The following MAPK6 variants were observed in gnomAD, a reference collection of about 807,000 sequenced individuals.
The protein encoded by MAPK6 is mitogen-activated protein kinase 6.
In MAPK6, 19 loss-of-function variants were observed where a neutral mutation model predicts 59.3. That is an observed-to-expected ratio of 0.32 (90% CI 0.22 to 0.47). The LOEUF is 0.47. Among genes scored for constraint, MAPK6 ranks in the 20% least tolerant of loss-of-function variants. The pLI is 1.00. For missense variants in MAPK6, 724 were observed against 847.9 expected (o/e 0.85, Z 1.81); for synonymous variants, 316 against 290.3 (o/e 1.09, Z -0.90).
At chr15:52,033,125 CT>C (rs2031103981) in intron 1 of MAPK6, among the ~76,000 whole-genome samples, 1 of 152,174 alleles carries the variant, frequency 6.6e-6, no homozygotes, top group Non-Finnish European at 1.5e-5. Flanking sequence ...CTACTTTTGT[CT>C]TTTCTTTGAA....
At chr15:52,016,047 C>T (rs1476987583), upstream of MAPK6, among the ~76,000 whole-genome samples, 2 of 119,148 alleles carry the variant, frequency 1.7e-5, no homozygotes, top group African/African-American at 6.6e-5. Context: ...CAGAGCCAAA[C>T]TCCATCGCGC....
chr15:52,053,610 G>GT (rs2031860293), intron 3 of MAPK6, among the ~76,000 whole-genome samples: 2 of 2,356 alleles, frequency 8.5e-4, no homozygotes, highest in African/African-American at 3.1e-3. Context: ...TTGGTTGATT[G>GT]ATTGATTGAT....
intron 1 of MAPK6, among the ~76,000 whole-genome samples, chr15:52,039,509 C>CTTTTTTTTT (rs11341546): frequency 1.2e-5 from 1 of 85,880 alleles, no homozygotes; most frequent in Non-Finnish European, 2.4e-5. Context: ...AGTGTTTTGT[C>CTTTTTTTTT]TTTTTTTTTT....
At chr15:52,053,970 CTT>C (rs1206682465) in intron 3 of MAPK6, among the ~76,000 whole-genome samples, 3 of 151,950 alleles carry the variant, frequency 2.0e-5, no homozygotes, top group African/African-American at 2.4e-5. Flanking sequence ...GTCCAGTTAC[CTT>C]TTTCTTTTGT....
intron 2 of MAPK6, among the ~76,000 whole-genome samples, chr15:51,999,956 T>C (rs2057237584): frequency 6.6e-6 from 1 of 152,202 alleles, no homozygotes; most frequent in Non-Finnish European, 1.5e-5. Context: ...TATTTATTTA[T>C]TGAGATGGGA....
At chr15:52,008,829 C>T (rs982911068) in intron 3 of MAPK6, among the ~76,000 whole-genome samples, 1 of 152,124 alleles carries the variant, frequency 6.6e-6, no homozygotes, top group Non-Finnish European at 1.5e-5. Context: ...TCTTCCAGGA[C>T]ACCAGACCTA....
intron 1 of MAPK6, chr15:52,028,015 C>G (rs1265325381): frequency 7.6e-6 from 1 of 132,108 alleles, no homozygotes; most frequent in African/African-American, 2.9e-5. Context: ...TGCAGTGGTG[C>G]GATCTCAGCT....
At chr15:52,026,016 A>G (rs1238138047) in intron 1 of MAPK6, among the ~76,000 whole-genome samples, 1 of 152,238 alleles carries the variant, frequency 6.6e-6, no homozygotes, top group Non-Finnish European at 1.5e-5. Flanking sequence ...CTGATTTTCT[A>G]ATTGATACAT....
upstream of MAPK6, among the ~76,000 whole-genome samples, chr15:52,016,058 G>A (rs1405676415): frequency 1.1e-4 from 6 of 54,868 alleles, no homozygotes; most frequent in South Asian, 8.7e-4. Context: ...TCCATCGCGC[G>A]CGCGCGCGCG....
At chr15:52,062,456 G>A (rs2032240619) in intron 5 of MAPK6, among the ~76,000 whole-genome samples, 1 of 152,122 alleles carries the variant, frequency 6.6e-6, no homozygotes, top group Non-Finnish European at 1.5e-5. Flanking sequence ...TTCATAAAGT[G>A]AAATAATTGG....
chr15:52,012,423 T>C (rs577937863), intron 3 of MAPK6, among the ~76,000 whole-genome samples: 184 of 152,326 alleles, frequency 1.2e-3, no homozygotes, highest in African/African-American at 4.3e-3. Context: ...CATTTTGTTC[T>C]ATTTTGTTAC....
intron 3 of MAPK6, among the ~76,000 whole-genome samples, chr15:52,004,571 T>G (rs548283820): frequency 7.9e-5 from 12 of 152,204 alleles, no homozygotes; most frequent in Non-Finnish European, 7.4e-5. Context: ...GGAAAAAAAT[T>G]TATTTGGCTC....
rs2032397909 is a variant in MAPK6 at position 52,065,765 on chromosome 15, A to G, written c.*765A>G. ...ATATACTTTACTTTTTCCATTTGGC[A>G]CTATGGTTTGTTGCCTACCTAGCTG... On this transcript the variant is annotated 3_prime_UTR_variant, in exon 6 of 6. Transcript: ENST00000261845. 3 of 152,604 alleles carry G rather than the reference A, an allele frequency of 2.0e-5. No individual in the cohort carries two copies. In the South Asian group the frequency reaches 6.2e-4, roughly 32 times the overall value. The allele number at this position is 152,604 out of a possible 1,614,324, so 9.5% of individuals were successfully genotyped here.
At chr15:52,022,986 A>C (rs1184189578) in intron 1 of MAPK6, among the ~76,000 whole-genome samples, 1 of 151,942 alleles carries the variant, frequency 6.6e-6, no homozygotes, top group Non-Finnish European at 1.5e-5. Flanking sequence ...ACGTGCCTGT[A>C]ATCCCAGCTA....
upstream of MAPK6, among the ~76,000 whole-genome samples, chr15:52,016,065 C>CAA (rs1566899818): frequency 2.4e-4 from 21 of 88,492 alleles, 1 homozygote; most frequent in South Asian, 9.7e-4. Flanking sequence ...CGCGCGCGCG[C>CAA]GCGCGCACAC....
upstream of MAPK6, among the ~76,000 whole-genome samples, chr15:52,016,058 GC>G (rs1487607817): frequency 9.1e-5 from 5 of 54,868 alleles, no homozygotes; most frequent in Admixed American, 1.9e-4. Context: ...TCCATCGCGC[GC>G]GCGCGCGCGC....
chr15:52,053,483 G>A (rs979648488), intron 3 of MAPK6, among the ~76,000 whole-genome samples: 1 of 152,088 alleles, frequency 6.6e-6, no homozygotes, highest in African/African-American at 2.4e-5. Flanking sequence ...TTATTGAGTT[G>A]TAAGAATTCT....
At chr15:52,023,128 A>AC (rs71130117) in intron 1 of MAPK6, among the ~76,000 whole-genome samples, 19 of 148,806 alleles carry the variant, frequency 1.3e-4, no homozygotes, top group African/African-American at 2.9e-4. Flanking sequence ...AAAAAAAAAA[A>AC]CCGAAAAACA....
At chr15:51,991,016 T>A (rs957526398) in intron 2 of MAPK6, among the ~76,000 whole-genome samples, 4 of 152,110 alleles carry the variant, frequency 2.6e-5, no homozygotes, top group African/African-American at 9.6e-5. Flanking sequence ...TAATCCTAGC[T>A]ACTCAGGAGG....
Sources: allele counts gnomAD v4.1 joint callset (sites outside exome capture counted in the v4.1 genomes callset), GRCh38; gene constraint gnomAD v4.1.1; transcripts MANE v1.5; gene names NCBI Gene and HGNC (gene_info 2026-07-23, HGNC 2026-07-21).